Variants in GPC6 observed in about 807,000 individuals in gnomAD.
GPC6 encodes glypican-6.
A neutral mutation model predicts 55.2 loss-of-function variants in GPC6; 14 were observed. The observed-to-expected ratio is 0.25, with a 90% CI of 0.17 to 0.40. The LOEUF (loss-of-function observed/expected upper bound fraction) is 0.40. GPC6 is among the 10% of genes least tolerant of loss of function. The pLI is 1.00. For synonymous variants in GPC6, 278 were observed against 259.6 expected (o/e 1.07, Z -0.68); for missense variants, 641 against 708.5 (o/e 0.90, Z 1.08).
chr13:94,023,702 T>C (rs140407164), intron 3 of GPC6, among the ~76,000 whole-genome samples: 23 of 152,138 alleles, frequency 1.5e-4, no homozygotes, highest in African/African-American at 5.1e-4. Context: ...TTATTCCTAA[T>C]AAGAAAGTAA....
chr13:93,459,030 A>G (rs949007430), intron 1 of GPC6, among the ~76,000 whole-genome samples: 13 of 152,154 alleles, frequency 8.5e-5, no homozygotes, highest in Admixed American at 4.6e-4. Context: ...TTTTAAGGGA[A>G]CACGCTTTGA....
chr13:93,308,455 A>G (rs777534107), intron 1 of GPC6, among the ~76,000 whole-genome samples: 1 of 152,120 alleles, frequency 6.6e-6, no homozygotes, highest in Non-Finnish European at 1.5e-5. Flanking sequence ...TTATTTATTT[A>G]TTTAGAGATT....
intron 1 of GPC6, among the ~76,000 whole-genome samples, chr13:93,341,502 T>A (rs1880253558): frequency 6.6e-6 from 1 of 152,204 alleles, no homozygotes; most frequent in Non-Finnish European, 1.5e-5. Context: ...TGATTAGTGA[T>A]GTTGAGCATT....
chr13:94,149,046 G>A (rs1435092924), intron 4 of GPC6, among the ~76,000 whole-genome samples: 7 of 152,012 alleles, frequency 4.6e-5, no homozygotes, highest in African/African-American at 1.7e-4. Flanking sequence ...ACTTGGACTC[G>A]GCTTACAGAT....
chr13:93,659,436 C>T (rs553901905), intron 2 of GPC6, among the ~76,000 whole-genome samples: 1 of 151,970 alleles, frequency 6.6e-6, no homozygotes, highest in South Asian at 2.1e-4. Flanking sequence ...AGTCATGAGT[C>T]CCAGGAATTT....
At chr13:94,159,420 T>G (rs1198723682) in intron 4 of GPC6, among the ~76,000 whole-genome samples, 1 of 152,076 alleles carries the variant, frequency 6.6e-6, no homozygotes, top group African/African-American at 2.4e-5. Context: ...GAAGGCAAAC[T>G]GCAAATCTTA....
intron 4 of GPC6, among the ~76,000 whole-genome samples, chr13:94,083,066 A>T (rs1885156329): frequency 6.6e-6 from 1 of 152,164 alleles, no homozygotes; most frequent in Admixed American, 6.5e-5. Context: ...GCTCAGAGGT[A>T]CTTCTCTGAC....
chr13:94,393,611 A>C (rs1349493439), intron 7 of GPC6, among the ~76,000 whole-genome samples: 1 of 152,142 alleles, frequency 6.6e-6, no homozygotes, highest in Non-Finnish European at 1.5e-5. Flanking sequence ...CAGGGGAAGA[A>C]TCATGCACCT....
At chr13:93,843,527 G>A (rs1163214768) in intron 3 of GPC6, among the ~76,000 whole-genome samples, 1 of 152,110 alleles carries the variant, frequency 6.6e-6, no homozygotes, top group Non-Finnish European at 1.5e-5. Flanking sequence ...CTGAATCTAT[G>A]TCAGATTAAA....
At chr13:93,912,550 T>A (rs191062079) in intron 3 of GPC6, among the ~76,000 whole-genome samples, 39 of 152,198 alleles carry the variant, frequency 2.6e-4, no homozygotes, top group Non-Finnish European at 4.3e-4. Flanking sequence ...GAGACCATCC[T>A]GGCTAACACG....
At chr13:94,180,653 A>T (rs529064195) in intron 4 of GPC6, among the ~76,000 whole-genome samples, 1 of 152,022 alleles carries the variant, frequency 6.6e-6, no homozygotes, top group Admixed American at 6.6e-5. Context: ...GTCCTTAGCA[A>T]TTTTCTTTAT....
At chr13:94,208,754 A>C (rs955183128) in intron 4 of GPC6, among the ~76,000 whole-genome samples, 14 of 90,714 alleles carry the variant, frequency 1.5e-4, no homozygotes, top group South Asian at 3.9e-4. Flanking sequence ...CCCATCTCCC[A>C]AAAAAAAAAA....
chr13:94,215,930 A>G (rs1475343107), intron 4 of GPC6, among the ~76,000 whole-genome samples: 2 of 152,186 alleles, frequency 1.3e-5, no homozygotes, highest in African/African-American at 2.4e-5. Flanking sequence ...ATAATAACCC[A>G]AAAAGTGTTA....
intron 4 of GPC6, among the ~76,000 whole-genome samples, chr13:94,071,911 A>G (rs759835103): frequency 2.0e-5 from 3 of 152,184 alleles, no homozygotes; most frequent in Non-Finnish European, 2.9e-5. Flanking sequence ...GAAAAGTATA[A>G]GGCTTGAATT....
chr13:93,643,754 T>C (rs560692105), intron 2 of GPC6, among the ~76,000 whole-genome samples: 3 of 152,214 alleles, frequency 2.0e-5, no homozygotes, highest in Non-Finnish European at 2.9e-5. Context: ...GGTTTTTTAG[T>C]CTTTAGCTCA....
At chr13:93,884,112 C>T (rs776339303) in intron 3 of GPC6, among the ~76,000 whole-genome samples, 6 of 152,128 alleles carry the variant, frequency 3.9e-5, no homozygotes, top group Non-Finnish European at 5.9e-5. Flanking sequence ...CTAAATTACT[C>T]ATGTAGTTAT....
At chr13:94,383,224 G>A (rs932245661) in intron 7 of GPC6, among the ~76,000 whole-genome samples, 5 of 152,174 alleles carry the variant, frequency 3.3e-5, no homozygotes, top group Admixed American at 1.3e-4. Flanking sequence ...GGGAGGACTG[G>A]TTGGGAGTTG....
chr13:93,728,722 A>T (rs1156936415), intron 2 of GPC6, among the ~76,000 whole-genome samples: 1 of 151,974 alleles, frequency 6.6e-6, no homozygotes, highest in African/African-American at 2.4e-5. Context: ...ACCCACCACC[A>T]TGCCTGGCTA....
intron 2 of GPC6, among the ~76,000 whole-genome samples, chr13:93,655,075 T>G (rs1448635541): frequency 7.0e-6 from 1 of 143,200 alleles, no homozygotes; most frequent in Non-Finnish European, 1.5e-5. Context: ...TGTCTCGATC[T>G]CCTCGCCTCG....
Sources: allele counts gnomAD v4.1 joint callset (sites outside exome capture counted in the v4.1 genomes callset), GRCh38; gene constraint gnomAD v4.1.1; transcripts MANE v1.5; gene names NCBI Gene and HGNC (gene_info 2026-07-23, HGNC 2026-07-21).